Variants in GNG7 observed in about 807,000 individuals in gnomAD.
GNG7 encodes the protein guanine nucleotide-binding protein G(I)/G(S)/G(O) subunit gamma-7.
GNG7 carries 1 observed loss-of-function variant against 4.0 expected under a neutral mutation model. The ratio of observed to expected loss-of-function variants is 0.25; its 90% CI spans 0.09 to 1.18. GNG7 has a LOEUF of 1.18. Among genes scored for constraint, GNG7 ranks in the 50% most tolerant of loss-of-function variants. The probability of loss-of-function intolerance (pLI) is 0.50; values close to 1 mark genes in which losing one functional copy is unlikely to be tolerated. For missense variants in GNG7, 86 were observed against 91.9 expected, an observed-to-expected ratio of 0.94 and a Z score of 0.26; for synonymous variants, 34 against 36.9, an observed-to-expected ratio of 0.92 and a Z score of 0.29.
chr19:2,699,111 A>C, intron 1 of GNG7, among the ~76,000 whole-genome samples: 1 of 152,066 alleles, frequency 6.6e-6, no homozygotes, highest in Admixed American at 6.5e-5. Context: ...TAAGTGTTCA[A>C]AAGCCACATA....
rs796640808 is a variant in GNG7 at position 2,557,896 on chromosome 19, C to T, written c.-77-2708G>A. On this transcript the variant is annotated intron_variant, in intron 2 of 4. Coordinates refer to ENST00000382159, the MANE Select transcript of GNG7 (RefSeq NM_052847.3). The surrounding 1 kb of genome is among the most constrained non-coding windows in gnomAD (Gnocchi z 5.1). ...TCACTCTGTCGCCCAGGCTGGACTG[C>T]AGTAGTGCGATCTCGGCTCACTGCA... Among the ~76,000 whole-genome samples, 5 of 152,218 alleles carry T rather than the reference C, an allele frequency of 3.3e-5. No individual in the cohort carries two copies. Among genetic ancestry groups the T allele is most frequent in the African/African-American group, 1.2e-4 (5 of 41,536 alleles).
chr19:2,661,291 A>G (rs867799466), intron 1 of GNG7, among the ~76,000 whole-genome samples: 457 of 41,604 alleles, frequency 0.011, 9 homozygotes, highest in Non-Finnish European at 0.015. Context: ...AGAAAGAAAG[A>G]AAGAAAGAAA....
intron 2 of GNG7, among the ~76,000 whole-genome samples, chr19:2,629,982 A>T (rs1260549310): frequency 6.6e-6 from 1 of 151,880 alleles, no homozygotes; most frequent in East Asian, 1.9e-4. Context: ...TGATTTTTGC[A>T]ACTTCCTCTG....
At chr19:2,602,356 C>T (rs1308247205) in intron 2 of GNG7, among the ~76,000 whole-genome samples, 1 of 152,066 alleles carries the variant, frequency 6.6e-6, no homozygotes, top group Non-Finnish European at 1.5e-5. Flanking sequence ...ACAGAAAAAG[C>T]AGCACTGAGG....
intron 3 of GNG7, among the ~76,000 whole-genome samples, chr19:2,531,668 G>A (rs1568233525): frequency 6.6e-6 from 1 of 151,216 alleles, no homozygotes; most frequent in Non-Finnish European, 1.5e-5. Context: ...CTACTCCGGA[G>A]GCTGAGGCAG....
chr19:2,516,760 C>T lies in GNG7; in HGVS notation c.82-1613G>A, dbSNP rs778707140. On this transcript the variant is annotated intron_variant, in intron 4 of 4. Transcript: ENST00000382159. ...TGGGCCCGGTGAGGACGAGATAAGC[C>T]CGTCTCCATGTTTCTCTTGCAGCCT... 5.1e-4 allele frequency among the ~76,000 whole-genome samples: 78 copies of T among 152,188 alleles called. 1 individual carries two copies. The highest frequency in any genetic ancestry group is 3.9e-4 in the Admixed American group (6 of 15,282).
In GNG7 at chr19:2,644,382, A is replaced by ATATAG. The variant is rs1568272569; in HGVS notation, c.-78+1841_-78+1842insCTATA. ...ATATATATATATATATATATATATA[A>ATATAG]TGCTCTATCTATACATGCATCATGT... is the stretch of plus-strand genomic sequence containing the variant. On this transcript the variant is annotated intron_variant, in intron 2 of 4. Transcript: ENST00000382159. Among the ~76,000 whole-genome samples the ATATAG allele has an allele frequency of 3.7e-3, 409 of 109,076 alleles. 31 individuals carry two copies. The highest frequency in any genetic ancestry group is 4.5e-3 in the Non-Finnish European group (250 of 55,296). 71.6% of individuals were successfully genotyped at this position (109,076 alleles called of 152,430 possible).
chr19:2,553,814 A>ACATACATGTATATATGTAATATTG (rs1568241291), intron 3 of GNG7, among the ~76,000 whole-genome samples: 4 of 110,576 alleles, frequency 3.6e-5, no homozygotes, highest in African/African-American at 9.4e-5. Context: ...GTAATATATC[A>ACATACATGTATATATGTAATATTG]CATACATGTA....
intron 4 of GNG7, among the ~76,000 whole-genome samples, chr19:2,517,537 G>T (rs1972752689): frequency 6.6e-6 from 1 of 151,982 alleles, no homozygotes; most frequent in Non-Finnish European, 1.5e-5. Context: ...GGTAATTTTT[G>T]TATTTTTAGT....
intron 1 of GNG7, among the ~76,000 whole-genome samples, chr19:2,665,765 G>T (rs1265131445): frequency 1.3e-5 from 2 of 152,176 alleles, no homozygotes; most frequent in Non-Finnish European, 2.9e-5. Flanking sequence ...ACATAAATGA[G>T]TATCTATAAA....
chr19:2,576,380 C>T (rs892216391), intron 2 of GNG7, among the ~76,000 whole-genome samples: 4 of 152,196 alleles, frequency 2.6e-5, no homozygotes, highest in Non-Finnish European at 5.9e-5. Context: ...CCACTCCCTC[C>T]TAGAGTTCAC....
chr19:2,678,996 T>G (rs1224768702), intron 1 of GNG7, among the ~76,000 whole-genome samples: 3 of 152,172 alleles, frequency 2.0e-5, no homozygotes, highest in African/African-American at 4.8e-5. Flanking sequence ...TTTTCTGAAT[T>G]TGGTCCACGC....
At chr19:2,673,530 TAAAAATAC>T (rs1983518835) in intron 1 of GNG7, among the ~76,000 whole-genome samples, 1 of 151,620 alleles carries the variant, frequency 6.6e-6, no homozygotes, top group African/African-American at 2.4e-5. Context: ...CTGCCTCTAT[TAAAAATAC>T]AAAAATTAGC....
intron 3 of GNG7, among the ~76,000 whole-genome samples, chr19:2,539,451 T>C (rs978057629): frequency 2.0e-5 from 3 of 151,788 alleles, no homozygotes; most frequent in East Asian, 3.9e-4. Flanking sequence ...ATTACAGGTG[T>C]CCGCCACCAC....
chr19:2,648,100 G>GA, intron 1 of GNG7, among the ~76,000 whole-genome samples: 1 of 142,298 alleles, frequency 7.0e-6, no homozygotes, highest in Non-Finnish European at 1.5e-5. Context: ...GACATTAGAA[G>GA]AAAAAAACCG....
At chr19:2,543,444 C>CA (rs1269182484) in intron 3 of GNG7, among the ~76,000 whole-genome samples, 1 of 152,142 alleles carries the variant, frequency 6.6e-6, no homozygotes, top group Non-Finnish European at 1.5e-5. Context: ...AGGCCAGTCT[C>CA]AAACTCCTGG....
intron 1 of GNG7, among the ~76,000 whole-genome samples, chr19:2,682,726 C>A (rs1983772478): frequency 6.6e-6 from 1 of 151,250 alleles, no homozygotes; most frequent in Non-Finnish European, 1.5e-5. Context: ...CTGCTCCCAC[C>A]CCATCCGGTG....
At chr19:2,536,066 G>A (rs1239582450) in intron 3 of GNG7, among the ~76,000 whole-genome samples, 4 of 151,830 alleles carry the variant, frequency 2.6e-5, no homozygotes, top group South Asian at 4.1e-4. Flanking sequence ...TGGAGGCTGC[G>A]GTGAGTTGTG....
At chr19:2,539,702 C>T (rs538508255) in intron 3 of GNG7, among the ~76,000 whole-genome samples, 22 of 152,282 alleles carry the variant, frequency 1.4e-4, no homozygotes, top group Admixed American at 1.4e-3. Flanking sequence ...GTGCTGGAGG[C>T]TGGGTGTCGT....
Sources: gnomAD v4.1 joint callset for allele counts (sites outside exome capture counted in the v4.1 genomes callset) on GRCh38, gnomAD v4.1.1 for gene constraint, Gnocchi (gnomAD v3.1) non-coding constraint, MANE v1.5 for transcripts, NCBI Gene and HGNC (gene_info 2026-07-23, HGNC 2026-07-21) for gene names.